The following COA6 variants were observed in gnomAD, a reference collection of about 807,000 sequenced individuals.
COA6 encodes the protein cytochrome c oxidase assembly factor 6.
Under a neutral mutation model 17.1 loss-of-function variants are expected in COA6, and 12 were observed. The ratio of observed to expected loss-of-function variants is 0.70; its 90% CI spans 0.45 to 1.14. The LOEUF (loss-of-function observed/expected upper bound fraction) is 1.14. Among genes scored for constraint, COA6 ranks in the 50% most tolerant of loss-of-function variants. COA6 has a pLI of 0.00. For missense variants in COA6, 246 were observed against 196.5 expected (o/e 1.25, Z -1.51); for synonymous variants, 90 against 73.4 (o/e 1.23, Z -1.16).
Position 234,384,044 on chromosome 1 carries a change from C to G in COA6, c.*226C>G. ...AAAAAAGTAAAACCTGTTATAAACA[C>G]ATGCACTTTTGTTTTGTTTTTGTTT... On this transcript the variant is annotated 3_prime_UTR_variant, in exon 3 of 3. Transcript: ENST00000366615. 1 of 375,392 alleles carries G rather than the reference C, an allele frequency of 2.7e-6. No individual in the cohort carries two copies. The highest frequency in any genetic ancestry group is 4.9e-6 in the Non-Finnish European group (1 of 204,658). 23.3% of individuals were successfully genotyped at this position (375,392 alleles called of 1,614,324 possible).
intron 1 of COA6, chr1:234,373,905 G>A: frequency 6.4e-7 from 1 of 1,559,174 alleles, no homozygotes; most frequent in Non-Finnish European, 8.7e-7. Flanking sequence ...AAACGGGCTC[G>A]GAGAGAATAA....
intron 2 of COA6, among the ~76,000 whole-genome samples, chr1:234,382,126 A>G (rs182163944): frequency 7.9e-5 from 12 of 152,328 alleles, no homozygotes; most frequent in African/African-American, 2.9e-4. Flanking sequence ...TAGGGGAAGA[A>G]TGGAGTTTAG....
chr1:234,376,383 CCT>C lies in COA6; in HGVS notation c.372+2000_372+2001del. Among the ~76,000 whole-genome samples, 3 of 152,336 alleles carry C rather than the reference CCT, an allele frequency of 2.0e-5. No homozygotes were observed. In the Middle Eastern group the frequency reaches 0.01, roughly 518 times the overall value. Reference sequence around the variant, plus strand: ...TGGGTGCCATCCCCTGAGGCCCCAACCTCTCTCCAGGTCACTGCGTCCTAGTC... The same window carrying C: ...TGGGTGCCATCCCCTGAGGCCCCAACCTCTCCAGGTCACTGCGTCCTAGTC... On this transcript the variant is annotated intron_variant, in intron 2 of 2. Transcript: ENST00000366615.
chr1:234,383,735 G>T lies in COA6; in HGVS notation c.385G>T (p.Asp129Tyr), dbSNP rs1659050961. ...SCPQQWIKYF[D>Y]KRRDYLKFKE... ...TTTTTTCCAACAGATAAAATATTTT[G>T]ATAAAAGAAGAGACTACTTAAAATT... is the stretch of plus-strand genomic sequence containing the variant. The change falls in exon 3 of 3, where the codon GAT becomes TAT. Residue 129 changes from aspartate (D) to tyrosine (Y), a missense_variant. Transcript: ENST00000366615. 2 of 1,417,670 alleles carry T rather than the reference G, an allele frequency of 1.4e-6. No homozygotes were observed. The highest frequency in any genetic ancestry group is 1.4e-5 in the African/African-American group (1 of 69,068). 87.8% of individuals were successfully genotyped at this position (1,417,670 alleles called of 1,614,324 possible). A position where few individuals can be genotyped will look rare whatever the true frequency, so the allele number is the denominator to read the frequency against.
chr1:234,375,870 G>T (rs1658775402), intron 2 of COA6, among the ~76,000 whole-genome samples: 1 of 152,088 alleles, frequency 6.6e-6, no homozygotes, highest in African/African-American at 2.4e-5. Context: ...TGCCCAGGCT[G>T]GGCTCGAACT....
intron 2 of COA6, among the ~76,000 whole-genome samples, chr1:234,378,867 G>GT (rs1444019173): frequency 4.8e-4 from 73 of 150,890 alleles, no homozygotes; most frequent in Non-Finnish European, 6.5e-4. Context: ...CAAGACTCTG[G>GT]TTTTTTTTTC....
chr1:234,373,688 C>T lies in COA6; in HGVS notation c.212+10C>T, dbSNP rs1658682930. Reference sequence around the variant, plus strand: ...GTGGGCGGGCAGAGAGGTCGGCTTGCTGATGGGTCCGGGTGGGGCGCGCGT... The same window carrying T: ...GTGGGCGGGCAGAGAGGTCGGCTTGTTGATGGGTCCGGGTGGGGCGCGCGT... On this transcript the variant is annotated intron_variant, in intron 1 of 2. Coordinates refer to ENST00000366615, the MANE Select transcript of COA6 (RefSeq NM_001206641.3). The T allele has an allele frequency of 1.2e-6, 2 of 1,612,746 alleles. No homozygotes were observed. Among genetic ancestry groups the T allele is most frequent in the Non-Finnish European group, 1.7e-6 (2 of 1,178,988 alleles).
intron 2 of COA6, among the ~76,000 whole-genome samples, chr1:234,379,887 T>C (rs180726097): frequency 1.3e-5 from 2 of 152,334 alleles, no homozygotes; most frequent in Admixed American, 1.3e-4. Flanking sequence ...GTCTCTCCCT[T>C]GACAAGTGGC....
At chr1:234,381,926 C>CA (rs1265299635) in intron 2 of COA6, among the ~76,000 whole-genome samples, 1 of 152,150 alleles carries the variant, frequency 6.6e-6, no homozygotes, top group East Asian at 1.9e-4. Context: ...TAATTTGTCA[C>CA]AAAAATGTTA....
intron 2 of COA6, among the ~76,000 whole-genome samples, chr1:234,383,030 A>AGAGAGAAG (rs149002825): frequency 1.1e-4 from 8 of 73,266 alleles, no homozygotes; most frequent in Admixed American, 4.5e-4. Context: ...AGAGAGAGAG[A>AGAGAGAAG]GAAGGAAGGG....
chr1:234,376,758 G>A (rs539669151), intron 2 of COA6, among the ~76,000 whole-genome samples: 1 of 152,148 alleles, frequency 6.6e-6, no homozygotes, highest in Admixed American at 6.5e-5. Flanking sequence ...TCCTTCATTC[G>A]CGTCTAGCAG....
chr1:234,379,291 T>C (rs1658900989), intron 2 of COA6, among the ~76,000 whole-genome samples: 1 of 152,036 alleles, frequency 6.6e-6, no homozygotes, highest in African/African-American at 2.4e-5. Flanking sequence ...AGAAAGGTGG[T>C]GGGACTGGTT....
chr1:234,383,914 C>T lies in COA6; in HGVS notation c.*96C>T, dbSNP rs1248178453. On this transcript the variant is annotated 3_prime_UTR_variant, in exon 3 of 3. Coordinates refer to ENST00000366615, the MANE Select transcript of COA6 (RefSeq NM_001206641.3). ...GTTTGAATCATAGTGAACATCAATA[C>T]TTGTTCCCTATATACGACACTTGAT... 1 of 633,022 alleles carries T rather than the reference C, an allele frequency of 1.6e-6. No homozygotes were observed. The highest frequency in any genetic ancestry group is 2.8e-6 in the Non-Finnish European group (1 of 352,674). The allele number at this position is 633,022 out of a possible 1,614,324, so 39.2% of individuals were successfully genotyped here.
intron 2 of COA6, among the ~76,000 whole-genome samples, chr1:234,379,806 A>G (rs1490302748): frequency 1.3e-5 from 2 of 152,184 alleles, no homozygotes; most frequent in East Asian, 3.9e-4. Context: ...ATCTGATCTT[A>G]TGAGAACTCA....
chr1:234,374,257 A>G lies in COA6; in HGVS notation c.240A>G (p.Pro80=), dbSNP rs1572169891. 6.2e-7 allele frequency: 1 copy of G among 1,613,170 alleles called. No individual in the cohort carries two copies. Among genetic ancestry groups the G allele is most frequent in the African/African-American group, 1.3e-5 (1 of 74,852 alleles). ...ESFIAVGMAA[P]SMKERQVCWG... ...TCATCGCAGTAGGAATGGCAGCCCCATCTATGAAGGAAAGACAGGTCTGCT... is the reference window on the plus strand; with the variant it reads ...TCATCGCAGTAGGAATGGCAGCCCCGTCTATGAAGGAAAGACAGGTCTGCT... Residue 80 remains proline, a synonymous_variant, in exon 2 of 3, where the codon CCA becomes CCG. Transcript: ENST00000366615.
intron 2 of COA6, among the ~76,000 whole-genome samples, chr1:234,378,611 T>C (rs1161742986): frequency 6.6e-6 from 1 of 152,194 alleles, no homozygotes; most frequent in African/African-American, 2.4e-5. Flanking sequence ...CAGTTGCTCA[T>C]GCCTGTAATC....
Position 234,374,367 on chromosome 1 carries a change from A to G in COA6, c.350A>G (p.Glu117Gly). ...TGCAAGAAGTTAAGAAGCTCTTTCG[A>G]ATCAAGTTGTCCCCAACAGTGGGTA... is the stretch of plus-strand genomic sequence containing the variant. ...SQCKKLRSSFESSCPQQWIKY... is the reference protein window; with the variant it reads ...SQCKKLRSSFGSSCPQQWIKY... Residue 117 changes from glutamate (E) to glycine (G), a missense_variant, in exon 2 of 3, where the codon GAA (glutamate) becomes GGA (glycine). Transcript: ENST00000366615. The G allele has an allele frequency of 6.2e-7, 1 of 1,614,090 alleles. No individual in the cohort carries two copies. Among genetic ancestry groups the G allele is most frequent in the Non-Finnish European group, 8.5e-7 (1 of 1,180,020 alleles).
At chr1:234,374,475 CTG>C in intron 2 of COA6, 86 bp downstream of exon 2, 1 of 1,350,628 alleles carries the variant, frequency 7.4e-7, no homozygotes. Context: ...GAAGCGCTCT[CTG>C]AGGCATGTCA....
intron 2 of COA6, among the ~76,000 whole-genome samples, chr1:234,382,187 TGTC>T (rs778846404): frequency 9.9e-5 from 15 of 152,238 alleles, no homozygotes; most frequent in South Asian, 2.1e-4. Context: ...AAAGCATAGG[TGTC>T]GTCGTCAGCT....
Sources: gnomAD v4.1 joint callset for allele counts (sites outside exome capture counted in the v4.1 genomes callset) on GRCh38, gnomAD v4.1.1 for gene constraint, MANE v1.5 for transcripts, NCBI Gene and HGNC (gene_info 2026-07-23, HGNC 2026-07-21) for gene names.